The following ELP1 variants were observed in gnomAD, a reference collection of about 807,000 sequenced individuals.
The protein encoded by ELP1 is elongator acetyltransferase complex subunit 1.
In ELP1, 131 loss-of-function variants were observed where a neutral mutation model predicts 183.2. That is an observed-to-expected ratio of 0.72 (90% confidence interval 0.62 to 0.83). The LOEUF is 0.83. Ranked by LOEUF, ELP1 falls within the 40% of genes least tolerant of loss-of-function variation. ELP1 has a pLI of 0.00. For missense variants in ELP1, 1,550 were observed against 1,594.9 expected (o/e 0.97, Z 0.48); for synonymous variants, 555 against 569.0 (o/e 0.98, Z 0.35).
At chr9:108,919,180 G>C in intron 7 of ELP1, 73 bp downstream of exon 7, 1 of 1,067,882 alleles carries the variant, frequency 9.4e-7, no homozygotes, top group South Asian at 1.4e-5. Flanking sequence ...CAAAGCAAAA[G>C]AAAGAAAATT....
intron 18 of ELP1, 83 bp downstream of exon 18, chr9:108,901,342 T>A: frequency 1.0e-6 from 1 of 1,004,998 alleles, no homozygotes; most frequent in Non-Finnish European, 1.6e-6. Context: ...AAAGCCAAAA[T>A]AAATGAAGAA....
chr9:108,926,394 G>T, intron 5 of ELP1, 129 bp downstream of exon 5: 1 of 759,140 alleles, frequency 1.3e-6, no homozygotes, highest in Non-Finnish European at 2.3e-6. Flanking sequence ...TGGGCTAATA[G>T]ACATTTAATA....
At chr9:108,887,042 C>T (rs147390401) in intron 29 of ELP1, among the ~76,000 whole-genome samples, 1 of 152,012 alleles carries the variant, frequency 6.6e-6, no homozygotes, top group African/African-American at 2.4e-5. Context: ...AACCCCATCC[C>T]TACAAAAAAT....
Position 108,916,305 on chromosome 9 carries a change from G to A in ELP1, c.865-8C>T. ...CCAGAGCAAGTCATTTACCTAGAAGGGAAAAAAGATCTGTCATTGGCTTTC... is the reference window on the plus strand; with the variant it reads ...CCAGAGCAAGTCATTTACCTAGAAGAGAAAAAAGATCTGTCATTGGCTTTC... On this transcript the variant is annotated splice_polypyrimidine_tract_variant and splice_region_variant and intron_variant, in intron 9 of 36. Transcript: ENST00000374647. The A allele has an allele frequency of 6.2e-7, 1 of 1,606,704 alleles. No homozygotes were observed. Among genetic ancestry groups the A allele is most frequent in the South Asian group, 1.1e-5 (1 of 90,940 alleles).
chr9:108,895,867 G>A (rs1587889824), intron 25 of ELP1, among the ~76,000 whole-genome samples: 1 of 152,366 alleles, frequency 6.6e-6, no homozygotes, highest in East Asian at 1.9e-4. Context: ...AAAGAGCCAT[G>A]TGAGAAAGAA....
Position 108,898,601 on chromosome 9 carries a change from A to G in ELP1, c.2284-20T>C. 6.2e-7 allele frequency: 1 copy of G among 1,603,736 alleles called. No individual in the cohort carries two copies. The highest frequency in any genetic ancestry group is 8.5e-7 in the Non-Finnish European group (1 of 1,171,054). On this transcript the variant is annotated intron_variant, in intron 21 of 36. Coordinates refer to ENST00000374647, the MANE Select transcript of ELP1 (RefSeq NM_003640.5). ...AAACACCTACCAAAAAAAGGACAAA[A>G]CATCTTCGTTCAGATCATATTAGTT...
In ELP1 at chr9:108,893,098, T is replaced by C. The variant is rs1279116841; in HGVS notation, c.2861-15A>G. The C allele has an allele frequency of 1.3e-6, 2 of 1,572,036 alleles. No homozygotes were observed. The highest frequency in any genetic ancestry group is 1.8e-6 in the Non-Finnish European group (2 of 1,141,910). ...GTACTCAGGTCCTGCAGGAAAAAGA[T>C]TCACACAAAGACAGGCTTAAGACAT... On this transcript the variant is annotated splice_polypyrimidine_tract_variant and intron_variant, in intron 26 of 36. Transcript: ENST00000374647.
chr9:108,921,042 C>A (rs892881953), intron 6 of ELP1, among the ~76,000 whole-genome samples: 2 of 152,058 alleles, frequency 1.3e-5, no homozygotes, highest in Non-Finnish European at 2.9e-5. Flanking sequence ...TTTTTTAACA[C>A]CTTTACTGGG....
Position 108,880,092 on chromosome 9 carries a change from T to C in ELP1, c.3420A>G (p.Val1140=). The change falls in exon 32 of 37, where the codon GTA becomes GTG. Residue 1140 remains valine, a synonymous_variant. Coordinates refer to ENST00000374647, the MANE Select transcript of ELP1 (RefSeq NM_003640.5). ...GGGCTTGCTCCTTGAGCTCTCGAAC[T>C]ACCAATAAACGTTTCTTGTGGCGAC... ...TFSRHKKRLL[V]VRELKEQAQQ... The C allele has an allele frequency of 1.2e-6, 2 of 1,614,112 alleles. No individual in the cohort carries two copies. Among genetic ancestry groups the C allele is most frequent in the Admixed American group, 3.3e-5 (2 of 60,028 alleles).
At chr9:108,879,385 G>C (rs1265228339) in intron 33 of ELP1, 61 bp downstream of exon 33, 2 of 1,246,136 alleles carry the variant, frequency 1.6e-6, no homozygotes, top group Non-Finnish European at 1.2e-6. Flanking sequence ...CAATCTATTT[G>C]CTTCCACTTT....
At chr9:108,914,413 A>G (rs77202069) in intron 10 of ELP1, among the ~76,000 whole-genome samples, 203 of 89,062 alleles carry the variant, frequency 2.3e-3, no homozygotes, top group Middle Eastern at 6.7e-3. Flanking sequence ...AAAAAAAAAA[A>G]GGGGGGGGGG....
At chr9:108,918,683 T>C in intron 8 of ELP1, 128 bp downstream of exon 8, 1 of 767,970 alleles carries the variant, frequency 1.3e-6, no homozygotes, top group East Asian at 2.5e-5. Flanking sequence ...AGATACAGCC[T>C]TATAACCAAA....
At chr9:108,923,318 G>A (rs2132038210) in intron 5 of ELP1, among the ~76,000 whole-genome samples, 1 of 152,308 alleles carries the variant, frequency 6.6e-6, no homozygotes, top group East Asian at 1.9e-4. Flanking sequence ...GCTGCAGTGA[G>A]CCCTGATTGT....
Position 108,903,791 on chromosome 9 carries a change from T to G in ELP1, c.1644-122A>C, listed in dbSNP as rs1587899606. ...CTGCACTACCTACTTCAATACAATG[T>G]AGACAAAATACATATATACACACCC... is the stretch of plus-strand genomic sequence containing the variant. On this transcript the variant is annotated intron_variant, in intron 14 of 36. Coordinates refer to ENST00000374647, the MANE Select transcript of ELP1 (RefSeq NM_003640.5). 3 of 721,046 alleles carry G rather than the reference T, an allele frequency of 4.2e-6. No individual in the cohort carries two copies. In the East Asian group the frequency reaches 7.9e-5, roughly 19 times the overall value. The allele number at this position is 721,046 out of a possible 1,614,324, so 44.7% of individuals were successfully genotyped here. A position where few individuals can be genotyped will look rare whatever the true frequency, so the allele number is the denominator to read the frequency against.
At chr9:108,896,851 T>A (rs1828569354) in intron 24 of ELP1, 102 bp downstream of exon 24, 2 of 1,188,036 alleles carry the variant, frequency 1.7e-6, no homozygotes, top group Non-Finnish European at 2.5e-6. Context: ...AAAAGTCACA[T>A]GTTAAATCTG....
rs763981711 is a variant in ELP1, at chr9:108,891,332, G to A, written c.3031C>T (p.Arg1011Cys). Residue 1011 changes from arginine (R) to cysteine (C), a missense_variant, in exon 28 of 37, where the codon CGT becomes TGT. Physicochemically the swap from Arg to Cys is radical, Grantham distance 180. Coordinates refer to ENST00000374647, the MANE Select transcript of ELP1 (RefSeq NM_003640.5). ...MYEPAGLMFA[R>C]CGAHEKALSA... Reference sequence around the variant, plus strand: ...AGAGCTTTCTCGTGGGCACCGCAACGGGCAAACATGAGCCCCGCTGGCTCA... The same window carrying A: ...AGAGCTTTCTCGTGGGCACCGCAACAGGCAAACATGAGCCCCGCTGGCTCA... 1.5e-5 allele frequency: 24 copies of A among 1,614,000 alleles called. No homozygotes were observed. Among genetic ancestry groups the A allele is most frequent in the African/African-American group, 4.0e-5 (3 of 74,934 alleles).
intron 11 of ELP1, among the ~76,000 whole-genome samples, chr9:108,911,950 A>G (rs1320060723): frequency 6.6e-6 from 1 of 152,106 alleles, no homozygotes; most frequent in African/African-American, 2.4e-5. Flanking sequence ...TAAAGCTAAC[A>G]CACCCAATCC....
chr9:108,930,045 A>T (rs560611185), intron 2 of ELP1, 124 bp from the exon 3 acceptor site: 1 of 1,166,894 alleles, frequency 8.6e-7, no homozygotes, highest in East Asian at 2.5e-5. Flanking sequence ...TATTTTTTCT[A>T]GATGAAAATC....
In ELP1 at chr9:108,902,955, C is replaced by T. The variant is rs150558361; in HGVS notation, c.1751-13G>A. On this transcript the variant is annotated splice_polypyrimidine_tract_variant and intron_variant, in intron 15 of 36. Transcript: ENST00000374647. ...AGAGAAGGTGACTCTGCAAGATTCA[C>T]AGATCTAGTTCACAAATAGCTGATG... is the stretch of plus-strand genomic sequence containing the variant. 1 of 1,601,954 alleles carries T rather than the reference C, an allele frequency of 6.2e-7. No individual in the cohort carries two copies. The highest frequency in any genetic ancestry group is 8.6e-7 in the Non-Finnish European group (1 of 1,169,002).
Sources: allele counts gnomAD v4.1 joint callset (sites outside exome capture counted in the v4.1 genomes callset), GRCh38; gene constraint gnomAD v4.1.1; transcripts MANE v1.5; gene names NCBI Gene and HGNC (gene_info 2026-07-23, HGNC 2026-07-21).